CENPF: variants seen among roughly 807,000 people sequenced by gnomAD.
The protein encoded by CENPF is centromere protein F.
Under a neutral mutation model 307.3 loss-of-function variants are expected in CENPF, and 214 were observed. The ratio of observed to expected loss-of-function variants is 0.70; its 90% CI spans 0.62 to 0.78. The LOEUF is 0.78. Among genes scored for constraint, CENPF ranks in the 30% least tolerant of loss-of-function variants. The pLI is 0.00. For missense variants in CENPF, 3,401 were observed against 3,483.9 expected (o/e 0.98, Z 0.60); for synonymous variants, 1,259 against 1,270.6 (o/e 0.99, Z 0.19).
At chr1:214,608,609 A>G (rs1657105395) in intron 1 of CENPF, 5 of 1,607,768 alleles carry the variant, frequency 3.1e-6, no homozygotes, top group Admixed American at 3.3e-5. Flanking sequence ...CGCTGGCTGT[A>G]CTGGAAGTCG....
rs1466062157 is a variant in CENPF, at chr1:214,640,812, C to G, written c.2474C>G (p.Ser825Cys). The stretch of plus-strand genomic sequence containing the variant: ...GAAGCAGACCAAAGTCCGAAAAATT[C>G]TGCCATCCTACAAAATAGAGTTGAT... ...RLEADQSPKN[S>C]AILQNRVDSL... Residue 825 changes from serine to cysteine, a missense_variant, in exon 12 of 20, where the codon TCT becomes TGT. By Grantham distance (112) the Ser-to-Cys change is moderately radical. Coordinates refer to ENST00000366955, the MANE Select transcript of CENPF (RefSeq NM_016343.4). 1 of 1,606,466 alleles carries G rather than the reference C, an allele frequency of 6.2e-7. No homozygotes were observed. The highest frequency in any genetic ancestry group is 8.5e-7 in the Non-Finnish European group (1 of 1,177,204).
intron 10 of CENPF, among the ~76,000 whole-genome samples, chr1:214,634,182 T>C (rs1373989000): frequency 6.6e-6 from 1 of 152,220 alleles, no homozygotes; most frequent in African/African-American, 2.4e-5. Flanking sequence ...CATTGATGTC[T>C]GTGTCAAATG....
At chr1:214,654,843 G>T (rs1314933771) in intron 16 of CENPF, among the ~76,000 whole-genome samples, 1 of 152,170 alleles carries the variant, frequency 6.6e-6, no homozygotes, top group East Asian at 1.9e-4. Flanking sequence ...ACCAAGGCAG[G>T]TATTGAAACT....
In CENPF at chr1:214,642,904, T is replaced by C; in HGVS notation, c.4566T>C (p.Ser1522=). Residue 1522 remains serine, a synonymous_variant, in exon 12 of 20, where the codon AGT becomes AGC. Coordinates refer to ENST00000366955, the MANE Select transcript of CENPF (RefSeq NM_016343.4). The stretch of plus-strand genomic sequence containing the variant: ...GGGCTGTTTCAGCAAACCAGTGCAG[T>C]GTAGATGAAGTATTTTGCAGCAGTC... ...LEGAVSANQC[S]VDEVFCSSLQ... The C allele has an allele frequency of 6.2e-7, 1 of 1,613,886 alleles. No homozygotes were observed. Among genetic ancestry groups the C allele is most frequent in the Non-Finnish European group, 8.5e-7 (1 of 1,179,950 alleles).
At chr1:214,651,487 T>G (rs1658459146) in intron 14 of CENPF, among the ~76,000 whole-genome samples, 1 of 152,200 alleles carries the variant, frequency 6.6e-6, no homozygotes, top group Admixed American at 6.5e-5. Context: ...TCTCTGGATA[T>G]GACCTTGCGA....
At position 214,645,063 on chromosome 1, in the gene CENPF, A is replaced by G. The variant is rs866627532; in HGVS notation, c.5493A>G (p.Ile1831Met). Reference sequence around the variant, plus strand: ...AAGCATGCATAGAATTGGAAAAAATAGTTGGGGAACTTAAGAAAGAAAACT... The same window carrying G: ...AAGCATGCATAGAATTGGAAAAAATGGTTGGGGAACTTAAGAAAGAAAACT... ...KIEACIELEK[I>M]VGELKKENSD... The change falls in exon 13 of 20, where the codon ATA becomes ATG. Residue 1831 changes from isoleucine to methionine, a missense_variant. By Grantham distance (10) the Ile-to-Met change is conservative. Transcript: ENST00000366955. 1.9e-6 allele frequency: 3 copies of G among 1,613,814 alleles called. No homozygotes were observed. Among genetic ancestry groups the G allele is most frequent in the Non-Finnish European group, 2.5e-6 (3 of 1,179,960 alleles).
Position 214,655,291 on chromosome 1 carries a change from C to T in CENPF, c.8373C>T (p.Ala2791=). Residue 2791 remains alanine (A), a synonymous_variant, in exon 17 of 20, where the codon GCC becomes GCT. Coordinates refer to ENST00000366955, the MANE Select transcript of CENPF (RefSeq NM_016343.4). ...VNQLKKENER[A]QGKMKLLIKS... The stretch of plus-strand genomic sequence containing the variant: ...AGTTGAAGAAGGAAAATGAACGTGC[C>T]CAGGGGAAAATGAAGTTGTTGATCA... The T allele has an allele frequency of 6.2e-7, 1 of 1,606,252 alleles. No individual in the cohort carries two copies. Among genetic ancestry groups the T allele is most frequent in the African/African-American group, 1.3e-5 (1 of 74,558 alleles).
Position 214,630,517 on chromosome 1 carries a change from T to G in CENPF, c.1195-17T>G. ...CGAACCATCATCAGGCTGATGCACC[T>G]GCCCTTTGTTTTTCAGGAGCTCTCC... is the stretch of plus-strand genomic sequence containing the variant. On this transcript the variant is annotated splice_polypyrimidine_tract_variant and intron_variant, in intron 8 of 19. Coordinates refer to ENST00000366955, the MANE Select transcript of CENPF (RefSeq NM_016343.4). 1 of 1,613,914 alleles carries G rather than the reference T, an allele frequency of 6.2e-7. No homozygotes were observed. The highest frequency in any genetic ancestry group is 1.7e-5 in the Admixed American group (1 of 60,018).
At chr1:214,658,732 A>T in intron 18 of CENPF, 118 bp from the exon 19 acceptor site, 1 of 966,446 alleles carries the variant, frequency 1.0e-6, no homozygotes, top group Non-Finnish European at 1.6e-6. Context: ...CACAGTGGCT[A>T]GGACAAAGTA....
rs562576803 is a variant in CENPF, at chr1:214,655,165, A to G, written c.8323-76A>G. On this transcript the variant is annotated intron_variant, in intron 16 of 19. Transcript: ENST00000366955. The stretch of plus-strand genomic sequence containing the variant: ...CTTAAATTTACAATATATGAATCTT[A>G]TATCTTATAATTATTTTTCCATATG... 58 of 893,064 alleles carry G rather than the reference A, an allele frequency of 6.5e-5. No homozygotes were observed. In the African/African-American group the frequency reaches 6.6e-4, roughly 10 times the overall value. The allele number at this position is 893,064 out of a possible 1,614,324, so 55.3% of individuals were successfully genotyped here. A position where few individuals can be genotyped will look rare whatever the true frequency, so the allele number is the denominator to read the frequency against.
chr1:214,655,220 G>T, intron 16 of CENPF, 21 bp from the exon 17 acceptor site: 1 of 1,491,116 alleles, frequency 6.7e-7, no homozygotes, highest in South Asian at 1.4e-5. Flanking sequence ...GGTTTTAAAT[G>T]GAATTACTTT....
At chr1:214,631,410 G>A (rs958889344) in intron 9 of CENPF, among the ~76,000 whole-genome samples, 5 of 152,180 alleles carry the variant, frequency 3.3e-5, no homozygotes, top group African/African-American at 9.7e-5. Flanking sequence ...GTGTGCTGAT[G>A]TTTCTATAGG....
intron 1 of CENPF, chr1:214,608,209 C>T: frequency 8.2e-7 from 1 of 1,225,176 alleles, no homozygotes; most frequent in Non-Finnish European, 1.1e-6. Flanking sequence ...GGCTCCCCTC[C>T]TGCAGAGCCG....
At chr1:214,654,598 C>T (rs935425943) in intron 16 of CENPF, among the ~76,000 whole-genome samples, 4 of 152,042 alleles carry the variant, frequency 2.6e-5, no homozygotes, top group Non-Finnish European at 5.9e-5. Context: ...TTAATAAAGA[C>T]ATGAACACCT....
At chr1:214,655,455 A>G in intron 17 of CENPF, 52 bp downstream of exon 17, 2 of 1,487,206 alleles carry the variant, frequency 1.3e-6, no homozygotes, top group Non-Finnish European at 1.8e-6. Context: ...TCCAGTAGTG[A>G]AATAACATAT....
At chr1:214,657,485 AAG>A in intron 18 of CENPF, 76 bp downstream of exon 18, 2 of 1,119,200 alleles carry the variant, frequency 1.8e-6, no homozygotes, top group Non-Finnish European at 2.6e-6. Context: ...AAAAAGACAA[AAG>A]TATTTGCTTT....
Position 214,651,844 on chromosome 1 carries a change from T to G in CENPF, c.8118T>G (p.Ala2706=), listed in dbSNP as rs913519369. Residue 2706 remains alanine (A), a synonymous_variant, in exon 15 of 20, where the codon GCT becomes GCG. Transcript: ENST00000366955. Reference sequence around the variant, plus strand: ...AATATCAGCTACGGCTTCATGAAGCTGAAAAGAAACACCAGGCTTTGCTTT... The same window carrying G: ...AATATCAGCTACGGCTTCATGAAGCGGAAAAGAAACACCAGGCTTTGCTTT... ...IAEYQLRLHE[A]EKKHQALLLD... 3.7e-6 allele frequency: 6 copies of G among 1,609,636 alleles called. No individual in the cohort carries two copies. Among genetic ancestry groups the G allele is most frequent in the Admixed American group, 3.4e-5 (2 of 58,914 alleles).
intron 11 of CENPF, 41 bp downstream of exon 11, chr1:214,638,042 C>T (rs1171132285): frequency 2.6e-6 from 4 of 1,564,326 alleles, no homozygotes; most frequent in Non-Finnish European, 3.5e-6. Context: ...TTCTAAGCTG[C>T]TATTCCCGTG....
intron 14 of CENPF, among the ~76,000 whole-genome samples, chr1:214,651,241 G>C (rs1422900618): frequency 6.6e-6 from 1 of 152,172 alleles, no homozygotes; most frequent in African/African-American, 2.4e-5. Flanking sequence ...GAAGGGATGG[G>C]GCAAAAGATT....
Sources: gnomAD v4.1 joint callset for allele counts (sites outside exome capture counted in the v4.1 genomes callset) on GRCh38, gnomAD v4.1.1 for gene constraint, MANE v1.5 for transcripts, NCBI Gene and HGNC (gene_info 2026-07-23, HGNC 2026-07-21) for gene names.